Variants in SFMBT2 observed in about 807,000 individuals in gnomAD.
SFMBT2 encodes scm-like with four MBT domains protein 2.
In SFMBT2, 38 loss-of-function variants were observed where a neutral mutation model predicts 110.1. The ratio of observed to expected loss-of-function variants is 0.35; its 90% CI spans 0.27 to 0.45. The LOEUF (loss-of-function observed/expected upper bound fraction) is 0.45. Among genes scored for constraint, SFMBT2 ranks in the 20% least tolerant of loss-of-function variants. The pLI is 1.00. For synonymous variants in SFMBT2, 425 were observed against 425.4 expected (o/e 1.00, Z 0.01); for missense variants, 1,011 against 1,094.9 (o/e 0.92, Z 1.08).
At chr10:7,168,871 T>C (rs1242047723) in intron 20 of SFMBT2, among the ~76,000 whole-genome samples, 1 of 152,218 alleles carries the variant, frequency 6.6e-6, no homozygotes, top group Non-Finnish European at 1.5e-5. Context: ...TCTCCCTGGT[T>C]GCTTTTCAGA....
Position 7,172,186 on chromosome 10 carries a change from G to A in SFMBT2, c.2152-28C>T, listed in dbSNP as rs1837899358. On this transcript the variant is annotated intron_variant, in intron 18 of 20. Coordinates refer to ENST00000397167, the MANE Select transcript of SFMBT2 (RefSeq NM_001387889.1). The surrounding 1 kb of genome is among the most constrained non-coding windows in gnomAD (Gnocchi z 4.6). Reference sequence around the variant, plus strand: ...GGGAAGGAGGAAAAGGCATTTAAGGGGCTGGTGGCCCGGGGGCCTGTAGCG... The same window carrying A: ...GGGAAGGAGGAAAAGGCATTTAAGGAGCTGGTGGCCCGGGGGCCTGTAGCG... 6.6e-7 allele frequency: 1 copy of A among 1,525,544 alleles called. No homozygotes were observed. Among genetic ancestry groups the A allele is most frequent in the East Asian group, 2.3e-5 (1 of 43,596 alleles). 94.5% of individuals were successfully genotyped at this position (1,525,544 alleles called of 1,614,324 possible).
chr10:7,364,795 G>A (rs766126574), intron 4 of SFMBT2, among the ~76,000 whole-genome samples: 4 of 152,160 alleles, frequency 2.6e-5, no homozygotes, highest in Non-Finnish European at 5.9e-5. Context: ...CACGGCCCCC[G>A]GCATGAACGC....
intron 6 of SFMBT2, among the ~76,000 whole-genome samples, chr10:7,279,888 C>T (rs1419720136): frequency 1.3e-5 from 2 of 152,200 alleles, no homozygotes; most frequent in South Asian, 2.1e-4. Context: ...CAGGTCCTAT[C>T]CAGTGAAGAA....
intron 10 of SFMBT2, among the ~76,000 whole-genome samples, chr10:7,224,230 T>C (rs1453938814): frequency 1.3e-5 from 2 of 152,298 alleles, no homozygotes; most frequent in Admixed American, 6.5e-5. Context: ...ATCACCTTGG[T>C]TGGACTGAAA....
intron 4 of SFMBT2, among the ~76,000 whole-genome samples, chr10:7,335,381 G>A (rs1843687066): frequency 1.3e-5 from 2 of 152,046 alleles, no homozygotes; most frequent in Admixed American, 1.3e-4. Flanking sequence ...TATCTTAGGA[G>A]GCATCAAATG....
At chr10:7,202,642 A>C in intron 12 of SFMBT2, 120 bp from the exon 13 acceptor site, 1 of 1,556,948 alleles carries the variant, frequency 6.4e-7, no homozygotes, top group Non-Finnish European at 8.7e-7. Flanking sequence ...AAATGCTGAA[A>C]AGTTACGTCA....
chr10:7,396,143 C>A (rs1250090277), intron 1 of SFMBT2, among the ~76,000 whole-genome samples: 4 of 152,280 alleles, frequency 2.6e-5, no homozygotes, highest in Middle Eastern at 6.8e-3. Context: ...GCTGGAATTA[C>A]AGGATTCTCA....
At chr10:7,401,864 A>G (rs982999473) in intron 1 of SFMBT2, among the ~76,000 whole-genome samples, 33 of 152,312 alleles carry the variant, frequency 2.2e-4, no homozygotes, top group Admixed American at 2.0e-3. Context: ...TCCACGGGAC[A>G]TTTCTCCACG....
rs773218832 is a variant in SFMBT2, at chr10:7,293,351, G to A, written c.437-7397C>T. On this transcript the variant is annotated intron_variant, in intron 4 of 20. Coordinates refer to ENST00000397167, the MANE Select transcript of SFMBT2 (RefSeq NM_001387889.1). The surrounding 1 kb of genome is among the most constrained non-coding windows in gnomAD (Gnocchi z 4.6). ...TGACTTCAGGTGATCTGCCTGCCTC[G>A]GCCTCCCAAAGTGCTGGGATTACAA... Among the ~76,000 whole-genome samples, 3 of 151,980 alleles carry A rather than the reference G, an allele frequency of 2.0e-5. No individual in the cohort carries two copies. Among genetic ancestry groups the A allele is most frequent in the Non-Finnish European group, 4.4e-5 (3 of 67,994 alleles).
At chr10:7,241,535 A>G (rs1385364042) in intron 9 of SFMBT2, among the ~76,000 whole-genome samples, 1 of 152,220 alleles carries the variant, frequency 6.6e-6, no homozygotes, top group African/African-American at 2.4e-5. Flanking sequence ...ACCTTACCAA[A>G]TATCACAAAT....
intron 1 of SFMBT2, among the ~76,000 whole-genome samples, chr10:7,395,644 T>A (rs1480283021): frequency 6.6e-6 from 1 of 152,136 alleles, no homozygotes. Flanking sequence ...CTGGGATATT[T>A]CCTCAACTTT....
intron 11 of SFMBT2, chr10:7,206,597 A>G: frequency 2.2e-5 from 22 of 984,898 alleles, no homozygotes; most frequent in Non-Finnish European, 2.7e-5. Context: ...GCAATGTCTA[A>G]AAGATCCCAC....
intron 11 of SFMBT2, among the ~76,000 whole-genome samples, chr10:7,216,037 G>A: frequency 6.6e-6 from 1 of 152,154 alleles, no homozygotes; most frequent in East Asian, 1.9e-4. Flanking sequence ...TGCAAACCAA[G>A]CCCCTGCTAT....
At position 7,171,747 on chromosome 10, in the gene SFMBT2, C is replaced by G; in HGVS notation, c.2415+148G>C. On this transcript the variant is annotated intron_variant, in intron 19 of 20. Transcript: ENST00000397167. The surrounding 1 kb of genome is among the most constrained non-coding windows in gnomAD (Gnocchi z 4.9). Reference sequence around the variant, plus strand: ...CTCCACCCAGAGGTGAAGTGCCAGCCTTTGTTCCTGACTTGGGAACTAGCT... The same window carrying G: ...CTCCACCCAGAGGTGAAGTGCCAGCGTTTGTTCCTGACTTGGGAACTAGCT... 9.9e-7 allele frequency: 1 copy of G among 1,006,506 alleles called. No homozygotes were observed. Among genetic ancestry groups the G allele is most frequent in the Non-Finnish European group, 1.3e-6 (1 of 765,028 alleles). The allele number at this position is 1,006,506 out of a possible 1,614,324, so 62.3% of individuals were successfully genotyped here.
At chr10:7,393,204 T>C (rs1012324163) in intron 1 of SFMBT2, among the ~76,000 whole-genome samples, 2 of 151,682 alleles carry the variant, frequency 1.3e-5, no homozygotes, top group African/African-American at 4.8e-5. Context: ...CTAATGTTTG[T>C]ATTTTTCGTA....
intron 4 of SFMBT2, among the ~76,000 whole-genome samples, chr10:7,359,446 A>G (rs1001682744): frequency 3.3e-5 from 5 of 152,248 alleles, no homozygotes; most frequent in Admixed American, 2.6e-4. Context: ...CCACGAGGCC[A>G]TGGAAACACA....
chr10:7,261,901 G>A lies in SFMBT2; in HGVS notation c.871-13252C>T, dbSNP rs77273060. Among the ~76,000 whole-genome samples the A allele has an allele frequency of 7.7e-3, 1,175 of 152,340 alleles. 8 individuals are homozygous for A. The highest frequency in any genetic ancestry group is 0.044 in the Middle Eastern group (13 of 294). On this transcript the variant is annotated intron_variant, in intron 7 of 20. Transcript: ENST00000397167. The stretch of plus-strand genomic sequence containing the variant: ...AAAGTAGGGTGGCTGGCGGAAGGAC[G>A]GAAGAGAGAAAGCTCAGGAATGAAC...
chr10:7,206,636 T>A (rs1249334826), intron 11 of SFMBT2: 1 of 934,968 alleles, frequency 1.1e-6, no homozygotes, highest in East Asian at 1.2e-4. Context: ...GACTGTCACA[T>A]CCTATTTCGT....
intron 10 of SFMBT2, among the ~76,000 whole-genome samples, chr10:7,222,792 C>T (rs975859549): frequency 2.6e-5 from 4 of 152,096 alleles, no homozygotes; most frequent in African/African-American, 9.7e-5. Context: ...GCCTCAGCAT[C>T]CTGAGTAGCT....
Sources: gnomAD v4.1 joint callset for allele counts (sites outside exome capture counted in the v4.1 genomes callset) on GRCh38, gnomAD v4.1.1 for gene constraint, Gnocchi (gnomAD v3.1) non-coding constraint, MANE v1.5 for transcripts, NCBI Gene and HGNC (gene_info 2026-07-23, HGNC 2026-07-21) for gene names.